The following ITGB3BP variants were observed in gnomAD, a reference collection of about 807,000 sequenced individuals.
ITGB3BP encodes the protein integrin subunit beta 3 binding protein.
In ITGB3BP, 27 loss-of-function variants were observed where a neutral mutation model predicts 29.1. The observed-to-expected ratio is 0.93, with a 90% confidence interval of 0.68 to 1.28. ITGB3BP has a LOEUF of 1.28. ITGB3BP is among the 50% of genes most tolerant of loss of function. The pLI is 0.00. For missense variants in ITGB3BP, 192 were observed against 200.2 expected, an observed-to-expected ratio of 0.96 and a Z score of 0.25; for synonymous variants, 61 against 61.4, an observed-to-expected ratio of 0.99 and a Z score of 0.03.
chr1:63,460,029 TC>T lies in ITGB3BP; in HGVS notation c.255-5062del, dbSNP rs538974962. Reference sequence around the variant, plus strand: ...GACATTCTTTGTCAAAAAAAAAAATTCCCCCCCGTGTTTAGCTCTATTTATT... The same window carrying T: ...GACATTCTTTGTCAAAAAAAAAAATTCCCCCCGTGTTTAGCTCTATTTATT... On this transcript the variant is annotated intron_variant, in intron 4 of 8. Coordinates refer to ENST00000271002, the MANE Select transcript of ITGB3BP (RefSeq NM_014288.5). 3.0e-4 allele frequency among the ~76,000 whole-genome samples: 45 copies of T among 150,092 alleles called. No individual in the cohort carries two copies. The South Asian group carries it at 9.0e-3, about 30-fold the overall frequency.
chr1:63,515,246 C>T (rs1302553547), intron 1 of ITGB3BP, among the ~76,000 whole-genome samples: 1 of 152,062 alleles, frequency 6.6e-6, no homozygotes, highest in Non-Finnish European at 1.5e-5. Context: ...TATGCCAGCA[C>T]CACTTGGGAA....
At chr1:63,523,985 T>C (rs1646529804), upstream of ITGB3BP, among the ~76,000 whole-genome samples, 1 of 152,096 alleles carries the variant, frequency 6.6e-6, no homozygotes, top group Admixed American at 6.5e-5. Flanking sequence ...TCTAGGCCCC[T>C]GTCTCAGTCT....
At chr1:63,443,772 G>A (rs922021607) in intron 8 of ITGB3BP, among the ~76,000 whole-genome samples, 2 of 152,054 alleles carry the variant, frequency 1.3e-5, no homozygotes, top group Admixed American at 1.3e-4. Context: ...ATCTGGCAGC[G>A]TTTGGATGTG....
chr1:63,445,603 C>CT (rs542847595), intron 8 of ITGB3BP, among the ~76,000 whole-genome samples: 1,676 of 140,700 alleles, frequency 0.012, 10 homozygotes, highest in Non-Finnish European at 0.016. Context: ...GCTAAGAATT[C>CT]TTTTTTTTTT....
At chr1:63,462,808 A>G (rs1645038506) in intron 4 of ITGB3BP, among the ~76,000 whole-genome samples, 1 of 152,262 alleles carries the variant, frequency 6.6e-6, no homozygotes, top group South Asian at 2.1e-4. Context: ...TACATAATGC[A>G]AAACAAAACA....
At chr1:63,488,922 G>A (rs1459112779) in intron 3 of ITGB3BP, among the ~76,000 whole-genome samples, 2 of 151,890 alleles carry the variant, frequency 1.3e-5, no homozygotes, top group African/African-American at 4.8e-5. Context: ...ATCTTTTTAT[G>A]GGCAAAAGGA....
intron 3 of ITGB3BP, among the ~76,000 whole-genome samples, chr1:63,482,280 A>AAAC (rs979725186): frequency 1.3e-5 from 2 of 150,850 alleles, no homozygotes; most frequent in African/African-American, 4.9e-5. Flanking sequence ...CAAAAAAAAA[A>AAAC]AAAAAAAAAA....
chr1:63,518,986 A>T (rs934064344), intron 1 of ITGB3BP, among the ~76,000 whole-genome samples: 4 of 152,262 alleles, frequency 2.6e-5, no homozygotes, highest in Non-Finnish European at 5.9e-5. Context: ...GAATCTTGCA[A>T]CATTATAGTC....
At chr1:63,457,444 T>C (rs1166830597) in intron 4 of ITGB3BP, 1 of 152,180 alleles carries the variant, frequency 6.6e-6, no homozygotes, top group East Asian at 1.9e-4. Flanking sequence ...AATTTCACTT[T>C]GTTGCCCTAA....
chr1:63,484,488 T>A (rs543878250), intron 3 of ITGB3BP, among the ~76,000 whole-genome samples: 1 of 152,162 alleles, frequency 6.6e-6, no homozygotes, highest in Non-Finnish European at 1.5e-5. Context: ...CTTTCCATTA[T>A]AATTTTTCTG....
chr1:63,500,791 A>G (rs1441448206), intron 2 of ITGB3BP, among the ~76,000 whole-genome samples: 1 of 152,204 alleles, frequency 6.6e-6, no homozygotes, highest in Non-Finnish European at 1.5e-5. Context: ...TGATCCCAAA[A>G]TTCATATGGA....
chr1:63,457,285 C>T (rs1195286301), intron 4 of ITGB3BP: 2 of 152,088 alleles, frequency 1.3e-5, no homozygotes, highest in African/African-American at 4.8e-5. Flanking sequence ...TGGAGATAAA[C>T]TATTTGCTGA....
intron 4 of ITGB3BP, among the ~76,000 whole-genome samples, chr1:63,473,586 T>C (rs1236451088): frequency 6.5e-5 from 7 of 107,718 alleles, no homozygotes; most frequent in African/African-American, 1.4e-4. Flanking sequence ...GTCAGCCCCC[T>C]GCCCGGCCAG....
At chr1:63,471,929 T>C (rs1645204047) in intron 4 of ITGB3BP, among the ~76,000 whole-genome samples, 2 of 151,882 alleles carry the variant, frequency 1.3e-5, no homozygotes, top group Non-Finnish European at 2.9e-5. Context: ...GGACTACAGG[T>C]GCAAGCCACC....
At chr1:63,523,452 A>G, upstream of ITGB3BP, 1 of 441,314 alleles carries the variant, frequency 2.3e-6, no homozygotes, top group Non-Finnish European at 4.2e-6. Flanking sequence ...GCTCCGGATC[A>G]GCGCTTCCTA....
intron 7 of ITGB3BP, among the ~76,000 whole-genome samples, chr1:63,448,337 A>T (rs1284798132): frequency 3.6e-5 from 5 of 140,206 alleles, no homozygotes; most frequent in East Asian, 2.0e-4. Context: ...AATAAAAAAT[A>T]AAAAAAAAAA....
chr1:63,502,311 A>T (rs1557646862), intron 2 of ITGB3BP, among the ~76,000 whole-genome samples: 2 of 152,132 alleles, frequency 1.3e-5, no homozygotes, highest in Non-Finnish European at 2.9e-5. Context: ...TGGTACTGGC[A>T]GTATACATCC....
At chr1:63,509,997 A>G in intron 1 of ITGB3BP, 1 of 441,302 alleles carries the variant, frequency 2.3e-6, no homozygotes, top group Non-Finnish European at 4.1e-6. Context: ...GTTCGAGACC[A>G]GCCTAACATG....
chr1:63,522,128 T>A (rs1007200492), intron 1 of ITGB3BP, among the ~76,000 whole-genome samples: 2 of 152,236 alleles, frequency 1.3e-5, no homozygotes, highest in African/African-American at 4.8e-5. Flanking sequence ...GGTTTCTTTA[T>A]CTGTAAAGAT....
Sources: allele counts gnomAD v4.1 joint callset (sites outside exome capture counted in the v4.1 genomes callset), GRCh38; gene constraint gnomAD v4.1.1; transcripts MANE v1.5; gene names NCBI Gene and HGNC (gene_info 2026-07-23, HGNC 2026-07-21).